The following PEX11B variants were observed in gnomAD, a reference collection of about 807,000 sequenced individuals.
PEX11B encodes the protein peroxisomal membrane protein 11B.
Under a neutral mutation model 28.2 loss-of-function variants are expected in PEX11B, and 18 were observed. That is an observed-to-expected ratio of 0.64 (90% confidence interval 0.44 to 0.95). The LOEUF (loss-of-function observed/expected upper bound fraction) is 0.95, where lower values mean the gene tolerates loss of function less well. Ranked by LOEUF, PEX11B falls within the 40% of genes least tolerant of loss-of-function variation. The pLI is 0.00. For synonymous variants in PEX11B, 128 were observed against 128.7 expected, an observed-to-expected ratio of 0.99 and a Z score of 0.04; for missense variants, 305 against 319.8, an observed-to-expected ratio of 0.95 and a Z score of 0.35.
intron 3 of PEX11B, among the ~76,000 whole-genome samples, chr1:145,915,892 CA>C (rs1469967945): frequency 6.6e-6 from 1 of 152,186 alleles, no homozygotes; most frequent in Non-Finnish European, 1.5e-5. Context: ...CTCGGCCTCC[CA>C]AAGTGCTGGG....
chr1:145,916,734 A>C (rs1481128527), intron 3 of PEX11B, 83 bp downstream of exon 3: 1 of 958,548 alleles, frequency 1.0e-6, no homozygotes. Flanking sequence ...GAAAGATCCT[A>C]AGATATCTTT....
In PEX11B at chr1:145,917,707, T is replaced by C; in HGVS notation, c.166A>G (p.Arg56Gly). The C allele has an allele frequency of 6.3e-7, 1 of 1,580,712 alleles. No homozygotes were observed. The highest frequency in any genetic ancestry group is 2.2e-5 in the East Asian group (1 of 44,736). Residue 56 changes from arginine to glycine, a missense_variant, in exon 2 of 4, where the codon AGA (arginine) becomes GGA (glycine). Coordinates refer to ENST00000369306, the MANE Select transcript of PEX11B (RefSeq NM_003846.3). ...RQLESHLSLG[R>G]KLLRLGNSAD... ...GAAAGACAGAGTTACTTACGCTTTC[T>C]TCCAAGGCTCAGGTGGCTCTCCAGT...
intron 3 of PEX11B, 84 bp downstream of exon 3, chr1:145,916,733 T>G: frequency 2.1e-6 from 2 of 954,902 alleles, no homozygotes; most frequent in Non-Finnish European, 3.4e-6. Flanking sequence ...GGAAAGATCC[T>G]AAGATATCTT....
rs1570938372 is a variant in PEX11B, at chr1:145,918,715, C to T, written c.-27G>A. 1 of 1,557,672 alleles carries T rather than the reference C, an allele frequency of 6.4e-7. No homozygotes were observed. Among genetic ancestry groups the T allele is most frequent in the Admixed American group, 1.9e-5 (1 of 51,558 alleles). On this transcript the variant is annotated 5_prime_UTR_variant, in exon 1 of 4. Coordinates refer to ENST00000369306, the MANE Select transcript of PEX11B (RefSeq NM_003846.3). ...ACAGCCGCAGCCCAGGCTCCGCGGC[C>T]CTGCTCCCGCCCCACTTCCCGCCCC...
chr1:145,914,232 G>A (rs1396188196), intron 3 of PEX11B, among the ~76,000 whole-genome samples: 1 of 152,058 alleles, frequency 6.6e-6, no homozygotes, highest in Non-Finnish European at 1.5e-5. Flanking sequence ...AAATTAGCTG[G>A]GTGTGGTGGC....
rs782092514 is a variant in PEX11B at position 145,912,345 on chromosome 1, C to T, written c.596G>A (p.Arg199Gln). 119 of 1,613,576 alleles carry T rather than the reference C, an allele frequency of 7.4e-5. No homozygotes were observed. Among genetic ancestry groups the T allele is most frequent in the Non-Finnish European group, 8.8e-5 (104 of 1,179,802 alleles). The change falls in exon 4 of 4, where the codon CGA becomes CAA. Residue 199 changes from arginine (R) to glutamine (Q), a missense_variant. By Grantham distance (43) the Arg-to-Gln change is conservative. Transcript: ENST00000369306. ...KLRLQVLLLA[R>Q]VLRGHPPLLL... Reference sequence around the variant, plus strand: ...AAGTGGGGGATGACCTCTAAGGACTCGAGCCAGGAGCAGGACTTGCAGCCG... The same window carrying T: ...AAGTGGGGGATGACCTCTAAGGACTTGAGCCAGGAGCAGGACTTGCAGCCG...
At chr1:145,915,783 G>A (rs1647344520) in intron 3 of PEX11B, among the ~76,000 whole-genome samples, 1 of 151,752 alleles carries the variant, frequency 6.6e-6, no homozygotes, top group African/African-American at 2.4e-5. Context: ...ACAGGTGCCC[G>A]CCACCACACC....
chr1:145,918,303 T>C, intron 1 of PEX11B: 2 of 1,480,326 alleles, frequency 1.4e-6, no homozygotes, highest in Non-Finnish European at 1.8e-6. Context: ...TCCTCAGCTC[T>C]GGGGGCAGAG....
intron 1 of PEX11B, chr1:145,918,092 G>A: frequency 1.0e-6 from 1 of 985,386 alleles, no homozygotes; most frequent in South Asian, 4.7e-5. Context: ...AGGCCGCAGG[G>A]GTCCATCACA....
intron 3 of PEX11B, 23 bp from the exon 4 acceptor site, chr1:145,912,589 C>T: frequency 1.4e-6 from 2 of 1,439,712 alleles, no homozygotes; most frequent in Non-Finnish European, 1.8e-6. Flanking sequence ...GCAAAAGGGT[C>T]AGTAAGGGCA....
rs1289445035 is a variant in PEX11B, at chr1:145,918,391, C to A, written c.56+242G>T. ...GAGGACACTGTCGGTCTTATGTGGA[C>A]ACAGCAACCCTGAGCGGCCTCCCCG... On this transcript the variant is annotated intron_variant, in intron 1 of 3. Transcript: ENST00000369306. 3 of 1,535,716 alleles carry A rather than the reference C, an allele frequency of 2.0e-6. No homozygotes were observed. In the East Asian group the frequency reaches 7.3e-5, roughly 38 times the overall value.
intron 1 of PEX11B, 167 bp from the exon 2 acceptor site, chr1:145,917,983 G>A: frequency 1.0e-6 from 1 of 980,778 alleles, no homozygotes; most frequent in East Asian, 1.1e-4. Flanking sequence ...GAAGGGAAAG[G>A]CATAAGGAGA....
chr1:145,911,831 G>C lies in PEX11B; in HGVS notation c.*330C>G, dbSNP rs1211109647. On this transcript the variant is annotated 3_prime_UTR_variant, in exon 4 of 4. Coordinates refer to ENST00000369306, the MANE Select transcript of PEX11B (RefSeq NM_003846.3). ...CTGCTGATTAAATCCCTGGATAGGA[G>C]AATGAGAAGGTTGAAAAAAGAAAGA... 1 of 182,142 alleles carries C rather than the reference G, an allele frequency of 5.5e-6. No individual in the cohort carries two copies. Among genetic ancestry groups the C allele is most frequent in the Non-Finnish European group, 1.1e-5 (1 of 88,412 alleles). The allele number at this position is 182,142 out of a possible 1,614,324, so 11.3% of individuals were successfully genotyped here.
intron 3 of PEX11B, among the ~76,000 whole-genome samples, chr1:145,914,911 C>A (rs1553753690): frequency 2.0e-5 from 3 of 151,368 alleles, no homozygotes; most frequent in Non-Finnish European, 4.4e-5. Context: ...TTTGTCTTTT[C>A]TTTTTTTTTG....
At chr1:145,918,252 G>C in intron 1 of PEX11B, 1 of 985,450 alleles carries the variant, frequency 1.0e-6, no homozygotes, top group Non-Finnish European at 1.2e-6. Flanking sequence ...GGGAGTTCCC[G>C]AATGGCAGCA....
At chr1:145,918,600 C>G (rs1553754351) in intron 1 of PEX11B, 33 bp downstream of exon 1, 1 of 1,577,992 alleles carries the variant, frequency 6.3e-7, no homozygotes, top group African/African-American at 1.3e-5. Flanking sequence ...CCATCCCTCC[C>G]CCGCCCCACC....
rs782410873 is a variant in PEX11B, at chr1:145,917,768, A to G, written c.105T>C (p.His35=). ...GTTTCTGTAACTCAGGACTGGCTCC[A>G]TGCCTCTGCAGCGCATGGCCAAGAA... ...CSLLGHALQR[H]GASPELQKQI... Residue 35 remains histidine, a synonymous_variant, in exon 2 of 4, where the codon CAT becomes CAC. Coordinates refer to ENST00000369306, the MANE Select transcript of PEX11B (RefSeq NM_003846.3). 5.0e-6 allele frequency: 8 copies of G among 1,613,852 alleles called. No homozygotes were observed. In the African/African-American group the frequency reaches 9.3e-5, roughly 19 times the overall value.
Position 145,917,816 on chromosome 1 carries a change from C to T in PEX11B, c.57G>A (p.Arg19=). The T allele has an allele frequency of 1.9e-6, 3 of 1,608,134 alleles. No homozygotes were observed. The highest frequency in any genetic ancestry group is 2.6e-6 in the Non-Finnish European group (3 of 1,174,612). ...GAAGAGAGCAAGCATACTGGGCGGC[C>T]CTAGAGGAGAGGGCAGGCAAGGTAA... The part of the protein sequence containing the change: ...AQSQARERLC[R]AAQYACSLLG... The change falls in exon 2 of 4, where the codon AGG becomes AGA. Residue 19 remains arginine, a splice_region_variant and synonymous_variant. Transcript: ENST00000369306.
rs1553753338 is a variant in PEX11B, at chr1:145,912,584, A to G, written c.375-18T>C. The G allele has an allele frequency of 6.2e-6, 9 of 1,446,404 alleles. No homozygotes were observed. In the South Asian group the frequency reaches 1.0e-4, roughly 16 times the overall value. The allele number at this position is 1,446,404 out of a possible 1,614,324, so 89.6% of individuals were successfully genotyped here. On this transcript the variant is annotated intron_variant, in intron 3 of 3. Transcript: ENST00000369306. ...AATAGTACCTGATACACAGAGCAAA[A>G]GGGTCAGTAAGGGCATGTATACCTA...
Sources: allele counts gnomAD v4.1 joint callset (sites outside exome capture counted in the v4.1 genomes callset), GRCh38; gene constraint gnomAD v4.1.1; transcripts MANE v1.5; gene names NCBI Gene and HGNC (gene_info 2026-07-23, HGNC 2026-07-21).